Variants in FMNL2 observed in about 807,000 individuals in gnomAD.
FMNL2 encodes formin-like protein 2.
FMNL2 carries 51 observed loss-of-function variants against 130.2 expected under a neutral mutation model. The observed-to-expected ratio is 0.39, with a 90% CI of 0.31 to 0.49. FMNL2 has a LOEUF of 0.49. Ranked by LOEUF, FMNL2 falls within the 20% of genes least tolerant of loss-of-function variation. FMNL2 has a pLI of 0.85. For missense variants in FMNL2, 977 were observed against 1,316.2 expected, an observed-to-expected ratio of 0.74 and a Z score of 3.99; for synonymous variants, 465 against 467.1, an observed-to-expected ratio of 1.00 and a Z score of 0.06.
intron 22 of FMNL2, 35 bp downstream of exon 22, chr2:152,636,625 C>T (rs1465205745): frequency 1.3e-6 from 2 of 1,545,274 alleles, no homozygotes; most frequent in Admixed American, 2.0e-5. Context: ...TGTGAAGAGG[C>T]TGCATCCATT....
intron 17 of FMNL2, 87 bp from the exon 18 acceptor site, chr2:152,628,212 A>T: frequency 1.8e-6 from 2 of 1,131,038 alleles, no homozygotes; most frequent in Non-Finnish European, 2.6e-6. Flanking sequence ...TGGATGATGG[A>T]TGGATGAACC....
intron 25 of FMNL2, among the ~76,000 whole-genome samples, chr2:152,643,008 CA>C (rs112848700): frequency 0.72 from 109,154 of 151,130 alleles, 39,573 homozygotes; most frequent in East Asian, 0.84. Context: ...GACTCTGTCT[CA>C]AAAAAAAACA....
intron 9 of FMNL2, among the ~76,000 whole-genome samples, chr2:152,583,565 A>G (rs1204861354): frequency 2.0e-5 from 3 of 152,106 alleles, no homozygotes. Flanking sequence ...GAAGCTGGAG[A>G]TTTCTCAGAA....
chr2:152,462,762 C>A (rs1434987900), intron 1 of FMNL2, among the ~76,000 whole-genome samples: 2 of 152,156 alleles, frequency 1.3e-5, no homozygotes, highest in African/African-American at 4.8e-5. Flanking sequence ...AGTTGACTTG[C>A]TGAAGGTCAC....
At chr2:152,457,829 C>G (rs1325164264) in intron 1 of FMNL2, among the ~76,000 whole-genome samples, 2 of 152,178 alleles carry the variant, frequency 1.3e-5, no homozygotes, top group African/African-American at 4.8e-5. Context: ...CTGGCTATTT[C>G]CAGCTTTTAG....
At chr2:152,376,557 A>G (rs1041802314) in intron 1 of FMNL2, among the ~76,000 whole-genome samples, 4 of 152,180 alleles carry the variant, frequency 2.6e-5, no homozygotes, top group Non-Finnish European at 5.9e-5. Context: ...GGAATGTGAG[A>G]GTTGAAGCAC....
At chr2:152,601,667 C>CTTTTCTTTTCT (rs36031692) in intron 9 of FMNL2, among the ~76,000 whole-genome samples, 1 of 132,240 alleles carries the variant, frequency 7.6e-6, no homozygotes, top group Non-Finnish European at 1.5e-5. Context: ...CTTTTCTTTT[C>CTTTTCTTTTCT]TTTCTTTTTT....
rs1384173468 is a variant in FMNL2, at chr2:152,335,714, C to T, written c.111C>T (p.Ile37=). The change falls in exon 1 of 26, where the codon ATC becomes ATT. Residue 37 remains isoleucine (I), a synonymous_variant. Transcript: ENST00000288670. ...GTGAACTGGAGGAGCGATTTGCCAT[C>T]GTGCTGGTAAGTGCGCGGCGGCGGT... The part of the protein sequence containing the change: ...EPGELEERFA[I]VLNAMNLPPD... 1.0e-5 allele frequency: 16 copies of T among 1,573,908 alleles called. No homozygotes were observed. Among genetic ancestry groups the T allele is most frequent in the African/African-American group, 4.2e-5 (3 of 70,702 alleles).
In FMNL2 at chr2:152,345,803, A is replaced by G. The variant is rs1682088161; in HGVS notation, c.117+10083A>G. The stretch of plus-strand genomic sequence containing the variant: ...ATCCAGATGCGAACCTGGAGAAGCC[A>G]TTTAGAACTCTGTGGCCTCCTGGGC... On this transcript the variant is annotated intron_variant, in intron 1 of 25. Transcript: ENST00000288670. 4.6e-5 allele frequency among the ~76,000 whole-genome samples: 7 copies of G among 152,294 alleles called. No individual in the cohort carries two copies. In the South Asian group the frequency reaches 1.2e-3, roughly 27 times the overall value.
At chr2:152,526,670 G>T (rs1157876035) in intron 2 of FMNL2, among the ~76,000 whole-genome samples, 1 of 152,018 alleles carries the variant, frequency 6.6e-6, no homozygotes, top group Non-Finnish European at 1.5e-5. Context: ...AAATTATTAG[G>T]TTTTTGCGAT....
chr2:152,565,758 G>C (rs1163384301), intron 6 of FMNL2, among the ~76,000 whole-genome samples: 1 of 151,904 alleles, frequency 6.6e-6, no homozygotes. Flanking sequence ...GTAAGAGTTT[G>C]TTTTTCTTAT....
chr2:152,575,279 C>A (rs538415036), intron 7 of FMNL2, 35 bp downstream of exon 7: 2 of 1,384,634 alleles, frequency 1.4e-6, no homozygotes, highest in East Asian at 2.4e-5. Flanking sequence ...TAAAAAAAAC[C>A]TGAATTAATC....
intron 8 of FMNL2, among the ~76,000 whole-genome samples, chr2:152,580,531 A>C (rs1475613176): frequency 6.6e-6 from 1 of 152,022 alleles, no homozygotes; most frequent in Non-Finnish European, 1.5e-5. Context: ...TTGATTTTGA[A>C]CTTTTTTTTT....
intron 21 of FMNL2, 78 bp downstream of exon 21, chr2:152,632,215 C>T: frequency 6.5e-7 from 1 of 1,535,770 alleles, no homozygotes; most frequent in South Asian, 1.3e-5. Context: ...CCTGCTTAAA[C>T]ACTTTTCAGA....
At chr2:152,351,267 C>T (rs1682467295) in intron 1 of FMNL2, among the ~76,000 whole-genome samples, 1 of 152,084 alleles carries the variant, frequency 6.6e-6, no homozygotes, top group Non-Finnish European at 1.5e-5. Flanking sequence ...GTATACATGC[C>T]ATGGTTTGCT....
intron 9 of FMNL2, among the ~76,000 whole-genome samples, chr2:152,598,778 C>G (rs1697893186): frequency 6.6e-6 from 1 of 152,070 alleles, no homozygotes; most frequent in African/African-American, 2.4e-5. Flanking sequence ...TTAGGGCTCT[C>G]CAGAGAAACA....
At chr2:152,375,897 AATT>A (rs1553871973) in intron 1 of FMNL2, among the ~76,000 whole-genome samples, 1 of 119,888 alleles carries the variant, frequency 8.3e-6, no homozygotes, top group African/African-American at 3.1e-5. Flanking sequence ...ATATATATAT[AATT>A]ATTATTATTT....
chr2:152,391,498 T>C (rs1476862612), intron 1 of FMNL2, among the ~76,000 whole-genome samples: 3 of 151,838 alleles, frequency 2.0e-5, no homozygotes, highest in Non-Finnish European at 4.4e-5. Flanking sequence ...GGAGGTGTAA[T>C]TGGGATGGAG....
Position 152,632,028 on chromosome 2 carries a change from A to C in FMNL2, c.2571A>C (p.Thr857=), listed in dbSNP as rs184571045. ...TTCAGCTCTTAGATACAAAGTCAACAGACAGAAAGCAAACACTGTTGCACT... is the reference window on the plus strand; with the variant it reads ...TTCAGCTCTTAGATACAAAGTCAACCGACAGAAAGCAAACACTGTTGCACT... ...SLDLLLDTKS[T]DRKQTLLHYI... is the part of the protein sequence containing the mutation. The change falls in exon 21 of 26, where the codon ACA becomes ACC. Residue 857 remains threonine, a synonymous_variant. Coordinates refer to ENST00000288670, the MANE Select transcript of FMNL2 (RefSeq NM_052905.4). 5.6e-6 allele frequency: 9 copies of C among 1,612,146 alleles called. No individual in the cohort carries two copies. The highest frequency in any genetic ancestry group is 3.3e-4 in the Middle Eastern group (2 of 6,054).
Sources: allele counts gnomAD v4.1 joint callset (sites outside exome capture counted in the v4.1 genomes callset), GRCh38; gene constraint gnomAD v4.1.1; transcripts MANE v1.5; gene names NCBI Gene and HGNC (gene_info 2026-07-23, HGNC 2026-07-21).